Variants in EXD3 observed in about 807,000 individuals in gnomAD.
EXD3 encodes the protein exonuclease 3'-5' domain containing 3.
EXD3 carries 92 observed loss-of-function variants against 98.0 expected under a neutral mutation model. The observed-to-expected ratio is 0.94, with a 90% CI of 0.79 to 1.12. The LOEUF is 1.12. EXD3 is among the 50% of genes most tolerant of loss of function. The pLI, the probability that EXD3 is intolerant of heterozygous loss-of-function variation, is 0.00. For missense variants in EXD3, 1,222 were observed against 1,191.6 expected, an observed-to-expected ratio of 1.03 and a Z score of -0.38; for synonymous variants, 569 against 526.0, an observed-to-expected ratio of 1.08 and a Z score of -1.12.
chr9:137,324,219 C>T lies in EXD3; in HGVS notation c.1999-76G>A. On this transcript the variant is annotated intron_variant, in intron 17 of 21. Coordinates refer to ENST00000340951, the MANE Select transcript of EXD3 (RefSeq NM_017820.5). The surrounding 1 kb of genome is among the most constrained non-coding windows in gnomAD (Gnocchi z 4.1). ...GACTGGGCCACCTCTGCTCGCCACC[C>T]CCTAGCTCCCCGGATCGTGGCCCTG... 1 of 1,285,788 alleles carries T rather than the reference C, an allele frequency of 7.8e-7. No homozygotes were observed. Among genetic ancestry groups the T allele is most frequent in the South Asian group, 1.3e-5 (1 of 75,832 alleles). 79.6% of individuals were successfully genotyped at this position (1,285,788 alleles called of 1,614,324 possible). A position where few individuals can be genotyped will look rare whatever the true frequency, so the allele number is the denominator to read the frequency against.
intron 1 of EXD3, among the ~76,000 whole-genome samples, chr9:137,408,019 T>G (rs1422705090): frequency 4.6e-5 from 7 of 152,042 alleles, no homozygotes; most frequent in African/African-American, 1.4e-4. Context: ...CCCACCCTCA[T>G]GCCTCCTGTG....
intron 17 of EXD3, among the ~76,000 whole-genome samples, chr9:137,334,946 A>G (rs113518422): frequency 0.014 from 2,203 of 152,002 alleles, 35 homozygotes; most frequent in African/African-American, 0.048. Flanking sequence ...GCATGGTGGC[A>G]GGCGCCTGTA....
chr9:137,395,716 T>C lies in EXD3; in HGVS notation c.-47-312A>G, dbSNP rs1837185394. Among the ~76,000 whole-genome samples the C allele has an allele frequency of 6.6e-6, 1 of 151,938 alleles. No homozygotes were observed. Among genetic ancestry groups the C allele is most frequent in the Non-Finnish European group, 1.5e-5 (1 of 67,974 alleles). ...CCTCGCGGGAGTGCAGAGGGGCCTG[T>C]TCTTGAGGACAGCGTGACCCCCCTT... On this transcript the variant is annotated intron_variant, in intron 1 of 21. Coordinates refer to ENST00000340951, the MANE Select transcript of EXD3 (RefSeq NM_017820.5). The surrounding 1 kb of genome is among the most constrained non-coding windows in gnomAD (Gnocchi z 6.5).
In EXD3 at chr9:137,352,716, A is replaced by G; in HGVS notation, c.941T>C (p.Val314Ala). 6.4e-7 allele frequency: 1 copy of G among 1,570,972 alleles called. No individual in the cohort carries two copies. Among genetic ancestry groups the G allele is most frequent in the Admixed American group, 1.9e-5 (1 of 52,722 alleles). ...TTCCATGGCACACTGGGCGGCCGTG[A>G]CTGGGTCACTGTGGGAGACCAGCAG... ...SQLLVSHSDP[V>A]TAAQCAMELL... Residue 314 changes from valine (V) to alanine (A), a missense_variant, in exon 11 of 22, where the codon GTC becomes GCC. Transcript: ENST00000340951.
intron 2 of EXD3, among the ~76,000 whole-genome samples, chr9:137,391,565 C>T (rs964291661): frequency 3.3e-5 from 5 of 150,858 alleles, no homozygotes; most frequent in Admixed American, 6.6e-5. Flanking sequence ...CCGGCCTCCC[C>T]GCCCCACCCC....
chr9:137,321,250 C>G (rs191551711), intron 19 of EXD3, among the ~76,000 whole-genome samples: 1 of 152,218 alleles, frequency 6.6e-6, no homozygotes, highest in Non-Finnish European at 1.5e-5. Context: ...TTCTGCTCAG[C>G]CAGGTGGGTG....
chr9:137,366,091 CCTT>C (rs1169005291), intron 7 of EXD3: 4 of 690,820 alleles, frequency 5.8e-6, no homozygotes, highest in East Asian at 2.7e-5. Context: ...CATATGGGCT[CCTT>C]GTCAGGTGCT....
rs930281273 is a variant in EXD3, at chr9:137,395,514, G to A, written c.-47-110C>T. 3.0e-6 allele frequency: 3 copies of A among 997,506 alleles called. No individual in the cohort carries two copies. The South Asian group carries it at 4.7e-5, about 16-fold the overall frequency. 61.8% of individuals were successfully genotyped at this position (997,506 alleles called of 1,614,324 possible). ...GTGGAGGGAGCTGGTGCCTGGGGGG[G>A]CCCAAGTGGGACCCCCAGTCGCTGA... On this transcript the variant is annotated intron_variant, in intron 1 of 21. Transcript: ENST00000340951. The surrounding 1 kb of genome is among the most constrained non-coding windows in gnomAD (Gnocchi z 6.5).
At chr9:137,401,657 T>G (rs1229521198) in intron 1 of EXD3, among the ~76,000 whole-genome samples, 1 of 152,198 alleles carries the variant, frequency 6.6e-6, no homozygotes, top group Non-Finnish European at 1.5e-5. Flanking sequence ...GCTTCCACCC[T>G]CTGAAGCCAC....
At chr9:137,346,845 G>A (rs1321517573) in intron 17 of EXD3, among the ~76,000 whole-genome samples, 1 of 152,094 alleles carries the variant, frequency 6.6e-6, no homozygotes. Flanking sequence ...ACGGAGTCTT[G>A]CTCTGTCACC....
rs1831089241 is a variant in EXD3, at chr9:137,307,201, T to A, written c.2380A>T (p.Met794Leu). ...TYDRPCRWLQ[M>L]ADLRAETPDM... ...GGTGTCTCCGCCCGCAGGTCAGCCA[T>A]CTGCAGCCAGCGGCAGGGGCGGTCA... Residue 794 changes from methionine to leucine, a missense_variant, in exon 22 of 22, where the codon ATG becomes TTG. Transcript: ENST00000340951. The A allele has an allele frequency of 2.5e-6, 4 of 1,584,336 alleles. No individual in the cohort carries two copies. The highest frequency in any genetic ancestry group is 3.4e-6 in the Non-Finnish European group (4 of 1,166,600).
At chr9:137,420,436 T>G (rs1838458803) in intron 1 of EXD3, among the ~76,000 whole-genome samples, 1 of 152,244 alleles carries the variant, frequency 6.6e-6, no homozygotes, top group South Asian at 2.1e-4. Flanking sequence ...TTTATGGCAA[T>G]GTAGTTCTTT....
rs1469229680 is a variant in EXD3 at position 137,325,160 on chromosome 9, A to G, written c.1999-1017T>C. Among the ~76,000 whole-genome samples, 3 of 152,198 alleles carry G rather than the reference A, an allele frequency of 2.0e-5. No homozygotes were observed. The East Asian group carries it at 5.8e-4, about 29-fold the overall frequency. On this transcript the variant is annotated intron_variant, in intron 17 of 21. Coordinates refer to ENST00000340951, the MANE Select transcript of EXD3 (RefSeq NM_017820.5). ...CATCGCCGGGAGTGCCCTGTACCCAAAACTGGTTTCTACATACATTTTACA... is the reference window on the plus strand; with the variant it reads ...CATCGCCGGGAGTGCCCTGTACCCAGAACTGGTTTCTACATACATTTTACA...
chr9:137,338,669 G>A lies in EXD3; in HGVS notation c.1998+9402C>T, dbSNP rs1422700214. On this transcript the variant is annotated intron_variant, in intron 17 of 21. Coordinates refer to ENST00000340951, the MANE Select transcript of EXD3 (RefSeq NM_017820.5). ...TGGGAGGCTGAGGAGGGCAGATCAC[G>A]AGGTCAGGAGATCGAGACCATCCTG... is the stretch of plus-strand genomic sequence containing the variant. 4.6e-5 allele frequency among the ~76,000 whole-genome samples: 7 copies of A among 150,996 alleles called. No homozygotes were observed. In the East Asian group the frequency reaches 5.8e-4, roughly 13 times the overall value.
At chr9:137,319,095 G>A (rs1461464272) in intron 19 of EXD3, among the ~76,000 whole-genome samples, 4 of 152,254 alleles carry the variant, frequency 2.6e-5, no homozygotes, top group East Asian at 3.9e-4. Flanking sequence ...AGGGGACAGC[G>A]GAGGCTGTGA....
At chr9:137,392,242 G>A (rs1203589408) in intron 2 of EXD3, 1 of 152,464 alleles carries the variant, frequency 6.6e-6, no homozygotes, top group East Asian at 1.9e-4. Context: ...AGGAACAGGA[G>A]CTCAGCCCCC....
intron 3 of EXD3, among the ~76,000 whole-genome samples, 155 bp from the exon 4 acceptor site, chr9:137,373,754 C>G (rs1033166520): frequency 6.6e-6 from 1 of 152,218 alleles, no homozygotes; most frequent in Non-Finnish European, 1.5e-5. Flanking sequence ...CTTTTCATGC[C>G]GCCGTTCTGG....
chr9:137,355,443 G>GGAGAAAGGAGGAA (rs1564507952), intron 8 of EXD3, among the ~76,000 whole-genome samples: 30 of 15,944 alleles, frequency 1.9e-3, no homozygotes, highest in African/African-American at 4.6e-3. Context: ...GATGGAGGAA[G>GGAGAAAGGAGGAA]GGAGGATGGA....
chr9:137,376,002 C>T (rs979862998), intron 3 of EXD3, among the ~76,000 whole-genome samples: 3 of 151,804 alleles, frequency 2.0e-5, no homozygotes, highest in Admixed American at 6.6e-5. Flanking sequence ...ATATTTTACT[C>T]TCTCTTCTCT....
Sources: allele counts gnomAD v4.1 joint callset (sites outside exome capture counted in the v4.1 genomes callset), GRCh38; gene constraint gnomAD v4.1.1; non-coding constraint Gnocchi (gnomAD v3.1); transcripts MANE v1.5; gene names NCBI Gene and HGNC (gene_info 2026-07-23, HGNC 2026-07-21).